The following NBPF11 variants were observed in gnomAD, a reference collection of about 807,000 sequenced individuals.
NBPF11 encodes the protein NBPF family member NBPF11.
A neutral mutation model predicts 93.9 loss-of-function variants in NBPF11; 72 were observed. The observed-to-expected ratio is 0.77, with a 90% CI of 0.63 to 0.93. NBPF11 has a LOEUF of 0.93. Among genes scored for constraint, NBPF11 ranks in the 40% least tolerant of loss-of-function variants. NBPF11 has a pLI of 0.00. For missense variants in NBPF11, 705 were observed against 802.2 expected (o/e 0.88, Z 1.46); for synonymous variants, 224 against 304.9 (o/e 0.73, Z 2.76).
intron 2 of NBPF11, among the ~76,000 whole-genome samples, chr1:148,140,938 TGTG>T (rs1180106428): frequency 2.0e-5 from 3 of 151,966 alleles, no homozygotes; most frequent in African/African-American, 7.3e-5. Context: ...ATAAACAAAC[TGTG>T]TTGTAGCCAT....
chr1:148,110,406 C>T lies in NBPF11; in HGVS notation c.1773G>A (p.Gln591=), dbSNP rs1344736196. The T allele has an allele frequency of 9.4e-6, 15 of 1,593,792 alleles. 1 individual carries two copies. The highest frequency in any genetic ancestry group is 3.4e-5 in the Admixed American group (2 of 59,228). The part of the protein sequence containing the change: ...YSSTFHSLEE[Q]QVCMAVDIGR... Reference sequence around the variant, plus strand: ...CTATGTCAACAGCCATGCAGACTTGCTGTTCCTCTAATGAGTGAAATGTGC... The same window carrying T: ...CTATGTCAACAGCCATGCAGACTTGTTGTTCCTCTAATGAGTGAAATGTGC... Residue 591 remains glutamine, a synonymous_variant, in exon 16 of 24, where the codon CAG becomes CAA. Coordinates refer to ENST00000682118, the MANE Select transcript of NBPF11 (RefSeq NM_001385469.3).
At chr1:148,149,940 T>A (rs1558172366) in intron 1 of NBPF11, among the ~76,000 whole-genome samples, 1 of 151,866 alleles carries the variant, frequency 6.6e-6, no homozygotes. Flanking sequence ...AATTTTTAAC[T>A]GACAAGCATC....
chr1:148,116,830 C>A (rs1191587472), intron 12 of NBPF11, among the ~76,000 whole-genome samples: 2 of 152,052 alleles, frequency 1.3e-5, no homozygotes, highest in Non-Finnish European at 2.9e-5. Context: ...CTGTCTCCCC[C>A]ATCCTGCCAG....
At position 148,124,947 on chromosome 1, in the gene NBPF11, A is replaced by T; in HGVS notation, c.230T>A (p.Phe77Tyr). ...IKFMLRNERQ[F>Y]KEEKLAEQLK... The stretch of plus-strand genomic sequence containing the variant: ...CTGCTCTGCAAGCTTCTCCTCCTTG[A>T]ACTGTCGCTCATTCCTCAGCATAAA... Residue 77 changes from phenylalanine to tyrosine, a missense_variant, in exon 6 of 24, where the codon TTC (phenylalanine) becomes TAC (tyrosine). Physicochemically the swap from Phe to Tyr is conservative, Grantham distance 22. Coordinates refer to ENST00000682118, the MANE Select transcript of NBPF11 (RefSeq NM_001385469.3). The T allele has an allele frequency of 6.2e-7, 1 of 1,609,532 alleles. No homozygotes were observed. Among genetic ancestry groups the T allele is most frequent in the Non-Finnish European group, 8.5e-7 (1 of 1,179,382 alleles).
chr1:148,122,376 A>T lies in NBPF11; in HGVS notation c.567-110T>A, dbSNP rs1413891892. ...CGGCATTAAGAGAGTGGTCCCAGAA[A>T]ACAAATGGAGGTTCCCTTTAAGAGG... On this transcript the variant is annotated intron_variant, in intron 8 of 23. Transcript: ENST00000682118. The T allele has an allele frequency of 2.7e-3, 4,198 of 1,559,086 alleles. 176 individuals carry two copies. In the African/African-American group the frequency reaches 0.051, roughly 19 times the overall value.
At chr1:148,149,154 C>G in intron 1 of NBPF11, 1 of 1,587,940 alleles carries the variant, frequency 6.3e-7, no homozygotes, top group African/African-American at 1.4e-5. Flanking sequence ...TGCTCCGGCG[C>G]CGCCAGGTAC....
At chr1:148,143,187 T>C (rs1672473629) in intron 2 of NBPF11, among the ~76,000 whole-genome samples, 1 of 151,872 alleles carries the variant, frequency 6.6e-6, no homozygotes, top group South Asian at 2.1e-4. Context: ...GAACATGTCC[T>C]CTCCTGAAGT....
intron 1 of NBPF11, among the ~76,000 whole-genome samples, chr1:148,149,911 T>C (rs1647858271): frequency 6.6e-6 from 1 of 151,868 alleles, no homozygotes; most frequent in Non-Finnish European, 1.5e-5. Context: ...TTACTGCACC[T>C]CTACGAGAAT....
chr1:148,146,588 G>A (rs1371746094), intron 1 of NBPF11: 54 of 1,608,646 alleles, frequency 3.4e-5, no homozygotes, highest in Non-Finnish European at 4.4e-5. Context: ...GCACCCGGGC[G>A]CTGGAAGCTG....
At chr1:148,112,882 T>A (rs1665626628) in intron 15 of NBPF11, among the ~76,000 whole-genome samples, 1 of 151,004 alleles carries the variant, frequency 6.6e-6, no homozygotes. Flanking sequence ...GCTTCATAAG[T>A]GAAGGAGAAA....
chr1:148,136,244 C>G (rs2149277572), intron 3 of NBPF11, among the ~76,000 whole-genome samples: 2 of 151,812 alleles, frequency 1.3e-5, no homozygotes, highest in Middle Eastern at 6.8e-3. Context: ...GAAATTAAAA[C>G]ATATGTGCAG....
At position 148,111,003 on chromosome 1, in the gene NBPF11, A is replaced by C. The variant is rs1665116001; in HGVS notation, c.1638-462T>G. Reference sequence around the variant, plus strand: ...TTTTTCAATTTCTTTTCTTGCAAAAATACTAGCCAACATACTACCAACAAA... The same window carrying C: ...TTTTTCAATTTCTTTTCTTGCAAAACTACTAGCCAACATACTACCAACAAA... On this transcript the variant is annotated intron_variant, in intron 15 of 23. Coordinates refer to ENST00000682118, the MANE Select transcript of NBPF11 (RefSeq NM_001385469.3). Among the ~76,000 whole-genome samples the C allele has an allele frequency of 3.9e-5, 6 of 151,922 alleles. No individual in the cohort carries two copies. In the South Asian group the frequency reaches 1.2e-3, roughly 32 times the overall value.
At chr1:148,129,110 T>TATACACGTGTATATGTATTATTTATAA (rs1669768649) in intron 4 of NBPF11, among the ~76,000 whole-genome samples, 1 of 145,512 alleles carries the variant, frequency 6.9e-6, no homozygotes, top group African/African-American at 2.6e-5. Context: ...ATATAATATA[T>TATACACGTGTATATGTATTATTTATAA]ATACACGTGT....
chr1:148,107,980 G>T lies in NBPF11; in HGVS notation c.2027-218C>A, dbSNP rs1335220177. Among the ~76,000 whole-genome samples the T allele has an allele frequency of 2.9e-4, 44 of 151,374 alleles. No homozygotes were observed. In the South Asian group the frequency reaches 5.9e-3, roughly 20 times the overall value. On this transcript the variant is annotated intron_variant, in intron 18 of 23. Coordinates refer to ENST00000682118, the MANE Select transcript of NBPF11 (RefSeq NM_001385469.3). ...GTAAACTTCCCTATTCTGGTAGATC[G>T]TTATCCCAATATCATTTGTCCCAAG...
At position 148,109,297 on chromosome 1, in the gene NBPF11, C is replaced by T. The variant is rs1369270207; in HGVS notation, c.1840G>A (p.Ala614Thr). The change falls in exon 17 of 24, where the codon GCA becomes ACA. Residue 614 changes from alanine to threonine, a missense_variant. Around this residue, in one of 12 missense-constraint regions of NBPF11, gnomAD observed 8 missense variants for 24.7 expected, o/e 0.32. Coordinates refer to ENST00000682118, the MANE Select transcript of NBPF11 (RefSeq NM_001385469.3). The part of the protein sequence containing the change: ...WDQVKKEDQE[A>T]TGPRLSRELL... ...TCTCAGACTCACCTGGGACCTGTTG[C>T]CTCTTGGTCCTCCTTTTTCACTTGA... The T allele has an allele frequency of 4.3e-6, 4 of 939,754 alleles. No homozygotes were observed. Among genetic ancestry groups the T allele is most frequent in the Non-Finnish European group, 6.9e-6 (4 of 579,314 alleles). The allele number at this position is 939,754 out of a possible 1,614,324, so 58.2% of individuals were successfully genotyped here. A position where few individuals can be genotyped will look rare whatever the true frequency, so the allele number is the denominator to read the frequency against.
rs1340775140 is a variant in NBPF11 at position 148,103,456 on chromosome 1, C to T, written c.*440G>A. The stretch of plus-strand genomic sequence containing the variant: ...CTGATCACTCCCGGCATGTGCTGCA[C>T]AGTTATGTGAACGTGTCACACCTAA... On this transcript the variant is annotated 3_prime_UTR_variant, in exon 24 of 24. Coordinates refer to ENST00000682118, the MANE Select transcript of NBPF11 (RefSeq NM_001385469.3). The T allele has an allele frequency of 1.3e-6, 1 of 750,814 alleles. No individual in the cohort carries two copies. The highest frequency in any genetic ancestry group is 2.1e-6 in the Non-Finnish European group (1 of 474,684). The allele number at this position is 750,814 out of a possible 1,614,324, so 46.5% of individuals were successfully genotyped here.
chr1:148,131,071 T>C (rs1389721978), intron 4 of NBPF11, among the ~76,000 whole-genome samples: 3 of 150,426 alleles, frequency 2.0e-5, no homozygotes, highest in Admixed American at 1.3e-4. Context: ...ATCATGAGCA[T>C]CCATACGTAG....
At chr1:148,108,034 C>G (rs1664186158) in intron 18 of NBPF11, among the ~76,000 whole-genome samples, 1 of 150,450 alleles carries the variant, frequency 6.6e-6, no homozygotes, top group African/African-American at 2.4e-5. Context: ...CCATATTTTT[C>G]CAATCGATTT....
rs1668426735 is a variant in NBPF11, at chr1:148,123,702, G to A, written c.493+151C>T. 6.7e-6 allele frequency: 10 copies of A among 1,487,238 alleles called. No homozygotes were observed. In the East Asian group the frequency reaches 6.8e-5, roughly 10 times the overall value. 92.1% of individuals were successfully genotyped at this position (1,487,238 alleles called of 1,614,324 possible). A position where few individuals can be genotyped will look rare whatever the true frequency, so the allele number is the denominator to read the frequency against. Reference sequence around the variant, plus strand: ...CCAAACCGATGGGTTTCCCATTTCTGTTCTTACTCAGGAAGTCCTGATCAT... The same window carrying A: ...CCAAACCGATGGGTTTCCCATTTCTATTCTTACTCAGGAAGTCCTGATCAT... On this transcript the variant is annotated intron_variant, in intron 7 of 23. Transcript: ENST00000682118.
Sources: allele counts gnomAD v4.1 joint callset (sites outside exome capture counted in the v4.1 genomes callset), GRCh38; gene constraint gnomAD v4.1.1; regional missense constraint gnomAD v4.1.1; transcripts MANE v1.5; gene names NCBI Gene and HGNC (gene_info 2026-07-23, HGNC 2026-07-21).